Variants in ABHD16B observed in about 807,000 individuals in gnomAD.
ABHD16B encodes the protein abhydrolase domain-containing protein 16B.
In ABHD16B, 14 loss-of-function variants were observed where a neutral mutation model predicts 10.5. That is an observed-to-expected ratio of 1.33 (90% confidence interval 0.88 to 2.08). The LOEUF (loss-of-function observed/expected upper bound fraction) is 2.08, where lower values mean the gene tolerates loss of function less well. Ranked by LOEUF, ABHD16B falls within the 30% of genes most tolerant of loss-of-function variation. ABHD16B has a pLI of 0.00. For missense variants in ABHD16B, 763 were observed against 717.4 expected, an observed-to-expected ratio of 1.06 and a Z score of -0.73; for synonymous variants, 374 against 337.9, an observed-to-expected ratio of 1.11 and a Z score of -1.17.
Position 63,862,356 on chromosome 20 carries a change from C to A in ABHD16B, c.816C>A (p.Phe272Leu), listed in dbSNP as rs766220781. The change falls in exon 1 of 1, where the codon TTC becomes TTA. Residue 272 changes from phenylalanine (F) to leucine (L), a missense_variant. By Grantham distance (22) the Phe-to-Leu change is conservative. Coordinates refer to ENST00000369916, the MANE Select transcript of ABHD16B (RefSeq NM_080622.4). This position sits in a 1 kb window ranked among gnomAD's most constrained non-coding sequence, Gnocchi z 7.5. The part of the protein sequence containing the change: ...ELGALVLDAT[F>L]DDLVPLALKV... The stretch of plus-strand genomic sequence containing the variant: ...GTGCACTGGTGCTGGACGCCACCTT[C>A]GACGACCTTGTGCCGCTGGCGCTGA... The A allele has an allele frequency of 1.2e-6, 2 of 1,611,824 alleles. No individual in the cohort carries two copies. The highest frequency in any genetic ancestry group is 1.7e-5 in the Admixed American group (1 of 59,954).
In ABHD16B at chr20:63,861,505, T is replaced by C; in HGVS notation, c.-36T>C. The C allele has an allele frequency of 1.3e-6, 2 of 1,534,896 alleles. No homozygotes were observed. Among genetic ancestry groups the C allele is most frequent in the Non-Finnish European group, 1.7e-6 (2 of 1,144,312 alleles). On this transcript the variant is annotated 5_prime_UTR_variant, in exon 1 of 1. Coordinates refer to ENST00000369916, the MANE Select transcript of ABHD16B (RefSeq NM_080622.4). The surrounding 1 kb of genome is among the most constrained non-coding windows in gnomAD (Gnocchi z 5.4). The stretch of plus-strand genomic sequence containing the variant: ...GACTGCCCTGTGCCTCTCGCGGCGA[T>C]CCCGGCCCAGCGGCTGGGCGTTAGG...
rs764613536 is a variant in ABHD16B, at chr20:63,862,896, G to A, written c.1356G>A (p.Ala452=). The A allele has an allele frequency of 2.6e-6, 4 of 1,536,350 alleles. No homozygotes were observed. Among genetic ancestry groups the A allele is most frequent in the Non-Finnish European group, 1.7e-6 (2 of 1,143,796 alleles). Residue 452 remains alanine (A), a synonymous_variant, in exon 1 of 1, where the codon GCG becomes GCA. Coordinates refer to ENST00000369916, the MANE Select transcript of ABHD16B (RefSeq NM_080622.4). This position sits in a 1 kb window ranked among gnomAD's most constrained non-coding sequence, Gnocchi z 7.5. Reference sequence around the variant, plus strand: ...GGAAGCACCTCAAGAACGTGGAGGCGACTCACTTCAGCCCTCTGGAGCCTG... The same window carrying A: ...GGAAGCACCTCAAGAACGTGGAGGCAACTCACTTCAGCCCTCTGGAGCCTG... ...LARKHLKNVE[A]THFSPLEPEE...
Position 63,862,408 on chromosome 20 carries a change from C to CT in ABHD16B, c.869dup (p.Val291GlyfsTer33). 6 of 1,596,036 alleles carry CT rather than the reference C, an allele frequency of 3.8e-6. No individual in the cohort carries two copies. Among genetic ancestry groups the CT allele is most frequent in the Non-Finnish European group, 5.1e-6 (6 of 1,173,384 alleles). On this transcript the variant is annotated frameshift_variant, in exon 1 of 1. Coordinates refer to ENST00000369916, the MANE Select transcript of ABHD16B (RefSeq NM_080622.4). LOFTEE classifies it low-confidence loss of function (END_TRUNC). The surrounding 1 kb of genome is among the most constrained non-coding windows in gnomAD (Gnocchi z 7.5). ...GGTCATGCCCCACAGTTGGAAGGGG[C>CT]TGGTGGTGCGCACCGTGCGCGAGCA...
In ABHD16B at chr20:63,862,141, G is replaced by T; in HGVS notation, c.601G>T (p.Gly201Cys). 1 of 1,611,686 alleles carries T rather than the reference G, an allele frequency of 6.2e-7. No individual in the cohort carries two copies. ...GCTCGAGGCCGGCTACTCCGTGCTG[G>T]GCTGGAACCACCCCGGCTTCGGCAG... ...APLEAGYSVLGWNHPGFGSST... is the reference protein window; with the variant it reads ...APLEAGYSVLCWNHPGFGSST... Residue 201 changes from glycine to cysteine, a missense_variant, in exon 1 of 1, where the codon GGC (glycine) becomes TGC (cysteine). Transcript: ENST00000369916. The surrounding 1 kb of genome is among the most constrained non-coding windows in gnomAD (Gnocchi z 7.5).
At position 63,861,749 on chromosome 20, in the gene ABHD16B, A is replaced by G; in HGVS notation, c.209A>G (p.Asp70Gly). 1.4e-6 allele frequency: 2 copies of G among 1,412,506 alleles called. No homozygotes were observed. The highest frequency in any genetic ancestry group is 9.1e-7 in the Non-Finnish European group (1 of 1,093,174). The allele number at this position is 1,412,506 out of a possible 1,614,324, so 87.5% of individuals were successfully genotyped here. ...WLLRDETLGG[D>G]ALGRPPRGAR... The stretch of plus-strand genomic sequence containing the variant: ...CTGCGGGACGAGACGCTGGGCGGGG[A>G]TGCGCTGGGGCGGCCTCCACGTGGG... The change falls in exon 1 of 1, where the codon GAT becomes GGT. Residue 70 changes from aspartate to glycine, a missense_variant. By Grantham distance (94) the Asp-to-Gly change is moderately conservative (BLOSUM62 -1). Coordinates refer to ENST00000369916, the MANE Select transcript of ABHD16B (RefSeq NM_080622.4). The surrounding 1 kb of genome is among the most constrained non-coding windows in gnomAD (Gnocchi z 5.4).
Position 63,862,809 on chromosome 20 carries a change from A to T in ABHD16B, c.1269A>T (p.Pro423=). The change falls in exon 1 of 1, where the codon CCA becomes CCT. Residue 423 remains proline, a synonymous_variant. Coordinates refer to ENST00000369916, the MANE Select transcript of ABHD16B (RefSeq NM_080622.4). This position sits in a 1 kb window ranked among gnomAD's most constrained non-coding sequence, Gnocchi z 7.5. The part of the protein sequence containing the change: ...EALGPHGPAF[P]WLVGQGLSSR... ...TGGGGCCACACGGACCCGCCTTCCC[A>T]TGGCTGGTGGGCCAGGGCCTGAGCT... 6.5e-7 allele frequency: 1 copy of T among 1,534,868 alleles called. No individual in the cohort carries two copies. Among genetic ancestry groups the T allele is most frequent in the Non-Finnish European group, 8.7e-7 (1 of 1,145,182 alleles).
Position 63,862,795 on chromosome 20 carries a change from G to C in ABHD16B, c.1255G>C (p.Gly419Arg). 1 of 1,534,272 alleles carries C rather than the reference G, an allele frequency of 6.5e-7. No homozygotes were observed. Among genetic ancestry groups the C allele is most frequent in the Non-Finnish European group, 8.7e-7 (1 of 1,144,786 alleles). Residue 419 changes from glycine (G) to arginine (R), a missense_variant, in exon 1 of 1, where the codon GGA becomes CGA. Physicochemically the swap from Gly to Arg is moderately radical, Grantham distance 125. Transcript: ENST00000369916. The surrounding 1 kb of genome is among the most constrained non-coding windows in gnomAD (Gnocchi z 7.5). ...LEGEEALGPH[G>R]PAFPWLVGQG... ...GGGCGAGGAGGCCCTGGGGCCACAC[G>C]GACCCGCCTTCCCATGGCTGGTGGG...
Position 63,861,692 on chromosome 20 carries a change from C to T in ABHD16B, c.152C>T (p.Thr51Ile). 1 of 1,505,302 alleles carries T rather than the reference C, an allele frequency of 6.6e-7. No homozygotes were observed. Among genetic ancestry groups the T allele is most frequent in the Non-Finnish European group, 8.8e-7 (1 of 1,132,584 alleles). 93.2% of individuals were successfully genotyped at this position (1,505,302 alleles called of 1,614,324 possible). A position where few individuals can be genotyped will look rare whatever the true frequency, so the allele number is the denominator to read the frequency against. The change falls in exon 1 of 1, where the codon ACC becomes ATC. Residue 51 changes from threonine (T) to isoleucine (I), a missense_variant. Physicochemically the swap from Thr to Ile is moderately conservative, Grantham distance 89 (BLOSUM62 -1). Coordinates refer to ENST00000369916, the MANE Select transcript of ABHD16B (RefSeq NM_080622.4). This position sits in a 1 kb window ranked among gnomAD's most constrained non-coding sequence, Gnocchi z 5.4. ...CGGAGCAGCAGCCACCGGGCGCTGA[C>T]CTGCGCGGCAGCCGCGGCGGGCGTG... ...VGRSSSHRALTCAAAAAGVWL... is the reference protein window; with the variant it reads ...VGRSSSHRALICAAAAAGVWL...
Position 63,861,876 on chromosome 20 carries a change from C to A in ABHD16B, c.336C>A (p.Tyr112Ter). ...LAHSLGRWLV[Y>*]PGSVSLMTRA... ...ACTCGCTGGGCCGCTGGCTCGTGTACCCCGGCTCCGTGTCCCTGATGACGC... is the reference window on the plus strand; with the variant it reads ...ACTCGCTGGGCCGCTGGCTCGTGTAACCCGGCTCCGTGTCCCTGATGACGC... Residue 112 changes from tyrosine to a stop codon, truncating the protein, a stop_gained, in exon 1 of 1, where the codon TAC becomes TAA. Transcript: ENST00000369916. LOFTEE classifies it high-confidence loss of function. The surrounding 1 kb of genome is among the most constrained non-coding windows in gnomAD (Gnocchi z 5.4). 2.6e-6 allele frequency: 4 copies of A among 1,557,532 alleles called. No individual in the cohort carries two copies. Among genetic ancestry groups the A allele is most frequent in the Non-Finnish European group, 3.5e-6 (4 of 1,152,020 alleles).
chr20:63,861,821 C>A lies in ABHD16B; in HGVS notation c.281C>A (p.Pro94His). 6.6e-7 allele frequency: 1 copy of A among 1,509,290 alleles called. No individual in the cohort carries two copies. The highest frequency in any genetic ancestry group is 2.2e-5 in the Admixed American group (1 of 46,168). 93.5% of individuals were successfully genotyped at this position (1,509,290 alleles called of 1,614,324 possible). The change falls in exon 1 of 1, where the codon CCC becomes CAC. Residue 94 changes from proline to histidine, a missense_variant. Physicochemically the swap from Pro to His is moderately conservative, Grantham distance 77. Coordinates refer to ENST00000369916, the MANE Select transcript of ABHD16B (RefSeq NM_080622.4). The surrounding 1 kb of genome is among the most constrained non-coding windows in gnomAD (Gnocchi z 5.4). Reference protein sequence around the residue: ...QCLLQQLRELPGQLASYALAH... With the variant: ...QCLLQQLRELHGQLASYALAH... ...CTCTTGCAGCAGCTCCGCGAGCTGC[C>A]CGGCCAGCTCGCTAGCTACGCGCTG...
chr20:63,862,808 C>T lies in ABHD16B; in HGVS notation c.1268C>T (p.Pro423Leu). Residue 423 changes from proline to leucine, a missense_variant, in exon 1 of 1, where the codon CCA becomes CTA. Physicochemically the swap from Pro to Leu is moderately conservative, Grantham distance 98. Transcript: ENST00000369916. This position sits in a 1 kb window ranked among gnomAD's most constrained non-coding sequence, Gnocchi z 7.5. ...EALGPHGPAFPWLVGQGLSSR... is the reference protein window; with the variant it reads ...EALGPHGPAFLWLVGQGLSSR... ...CTGGGGCCACACGGACCCGCCTTCC[C>T]ATGGCTGGTGGGCCAGGGCCTGAGC... 6.5e-7 allele frequency: 1 copy of T among 1,534,904 alleles called. No homozygotes were observed. Among genetic ancestry groups the T allele is most frequent in the African/African-American group, 1.4e-5 (1 of 73,016 alleles).
Position 63,862,966 on chromosome 20 carries a change from G to A in ABHD16B, c.*16G>A. Reference sequence around the variant, plus strand: ...GCGGCTGTAACCTATATGCCCCAGTGGGGGATCACGCACTTGAACTCCTGG... The same window carrying A: ...GCGGCTGTAACCTATATGCCCCAGTAGGGGATCACGCACTTGAACTCCTGG... On this transcript the variant is annotated 3_prime_UTR_variant, in exon 1 of 1. Coordinates refer to ENST00000369916, the MANE Select transcript of ABHD16B (RefSeq NM_080622.4). This position sits in a 1 kb window ranked among gnomAD's most constrained non-coding sequence, Gnocchi z 7.5. 3 of 1,429,694 alleles carry A rather than the reference G, an allele frequency of 2.1e-6. No homozygotes were observed. Among genetic ancestry groups the A allele is most frequent in the Non-Finnish European group, 2.8e-6 (3 of 1,090,406 alleles). The allele number at this position is 1,429,694 out of a possible 1,614,324, so 88.6% of individuals were successfully genotyped here.
In ABHD16B at chr20:63,862,663, G is replaced by C. The variant is rs1176225209; in HGVS notation, c.1123G>C (p.Gly375Arg). 1.3e-6 allele frequency: 2 copies of C among 1,536,366 alleles called. No homozygotes were observed. The highest frequency in any genetic ancestry group is 2.7e-5 in the African/African-American group (2 of 73,042). ...RAVVTRWLRA[G>R]SLAQEAAFYA... The stretch of plus-strand genomic sequence containing the variant: ...CGTCGTCACCCGCTGGCTGCGCGCT[G>C]GCAGCTTGGCGCAGGAGGCCGCCTT... Residue 375 changes from glycine (G) to arginine (R), a missense_variant, in exon 1 of 1, where the codon GGC (glycine) becomes CGC (arginine). Physicochemically the swap from Gly to Arg is moderately radical, Grantham distance 125. Coordinates refer to ENST00000369916, the MANE Select transcript of ABHD16B (RefSeq NM_080622.4). This position sits in a 1 kb window ranked among gnomAD's most constrained non-coding sequence, Gnocchi z 7.5.
chr20:63,861,575 G>A lies in ABHD16B; in HGVS notation c.35G>A (p.Arg12His), dbSNP rs555569547. The change falls in exon 1 of 1, where the codon CGC becomes CAC. Residue 12 changes from arginine to histidine, a missense_variant. By Grantham distance (29) the Arg-to-His change is conservative (BLOSUM62 0). Transcript: ENST00000369916. The surrounding 1 kb of genome is among the most constrained non-coding windows in gnomAD (Gnocchi z 5.4). ...CVICFVKALVRVFKIYLTASY... is the reference protein window; with the variant it reads ...CVICFVKALVHVFKIYLTASY... ...ATCTGCTTCGTGAAGGCGCTGGTGC[G>A]CGTGTTCAAGATCTACCTGACCGCC... 3.5e-5 allele frequency: 55 copies of A among 1,559,280 alleles called. No individual in the cohort carries two copies. The highest frequency in any genetic ancestry group is 3.3e-4 in the Middle Eastern group (2 of 5,992).
Position 63,862,172 on chromosome 20 carries a change from C to T in ABHD16B, c.632C>T (p.Thr211Ile). 6.2e-7 allele frequency: 1 copy of T among 1,611,450 alleles called. No homozygotes were observed. The change falls in exon 1 of 1, where the codon ACT becomes ATT. Residue 211 changes from threonine (T) to isoleucine (I), a missense_variant. Physicochemically the swap from Thr to Ile is moderately conservative, Grantham distance 89. Transcript: ENST00000369916. The surrounding 1 kb of genome is among the most constrained non-coding windows in gnomAD (Gnocchi z 7.5). ...GWNHPGFGSSTGVPFPQHDAN... is the reference protein window; with the variant it reads ...GWNHPGFGSSIGVPFPQHDAN... ...AACCACCCCGGCTTCGGCAGCAGCA[C>T]TGGCGTGCCCTTCCCTCAGCACGAC... is the stretch of plus-strand genomic sequence containing the variant.
In ABHD16B at chr20:63,862,124, C is replaced by T; in HGVS notation, c.584C>T (p.Ala195Val). 2 of 1,611,734 alleles carry T rather than the reference C, an allele frequency of 1.2e-6. No homozygotes were observed. The highest frequency in any genetic ancestry group is 8.5e-7 in the Non-Finnish European group (1 of 1,179,662). Residue 195 changes from alanine to valine, a missense_variant, in exon 1 of 1, where the codon GCC (alanine) becomes GTC (valine). Physicochemically the swap from Ala to Val is moderately conservative, Grantham distance 64. Transcript: ENST00000369916. The surrounding 1 kb of genome is among the most constrained non-coding windows in gnomAD (Gnocchi z 7.5). ...EMGCLSAPLE[A>V]GYSVLGWNHP... ...GGCTGTCTGTCTGCACCGCTCGAGG[C>T]CGGCTACTCCGTGCTGGGCTGGAAC...
rs113880685 is a variant in ABHD16B at position 63,862,691 on chromosome 20, A to G, written c.1151A>G (p.Tyr384Cys). The G allele has an allele frequency of 1.3e-5, 20 of 1,535,190 alleles. No individual in the cohort carries two copies. In the African/African-American group the frequency reaches 1.4e-4, roughly 11 times the overall value. ...AGSLAQEAAF[Y>C]ARYRVDEDWC... Reference sequence around the variant, plus strand: ...AGCTTGGCGCAGGAGGCCGCCTTCTATGCACGCTACCGCGTGGACGAGGAC... The same window carrying G: ...AGCTTGGCGCAGGAGGCCGCCTTCTGTGCACGCTACCGCGTGGACGAGGAC... The change falls in exon 1 of 1, where the codon TAT (tyrosine) becomes TGT (cysteine). Residue 384 changes from tyrosine (Y) to cysteine (C), a missense_variant. Coordinates refer to ENST00000369916, the MANE Select transcript of ABHD16B (RefSeq NM_080622.4). The surrounding 1 kb of genome is among the most constrained non-coding windows in gnomAD (Gnocchi z 7.5).
Position 63,861,957 on chromosome 20 carries a change from C to T in ABHD16B, c.417C>T (p.His139=), listed in dbSNP as rs1350366723. 8 of 1,598,352 alleles carry T rather than the reference C, an allele frequency of 5.0e-6. No homozygotes were observed. Among genetic ancestry groups the T allele is most frequent in the South Asian group, 1.1e-5 (1 of 90,940 alleles). ...QGQERLVERY[H]GRRAKLVACD... Reference sequence around the variant, plus strand: ...AAGAGCGCCTCGTGGAGCGCTACCACGGCCGGCGCGCCAAGCTGGTGGCCT... The same window carrying T: ...AAGAGCGCCTCGTGGAGCGCTACCATGGCCGGCGCGCCAAGCTGGTGGCCT... The change falls in exon 1 of 1, where the codon CAC becomes CAT. Residue 139 remains histidine, a synonymous_variant. Coordinates refer to ENST00000369916, the MANE Select transcript of ABHD16B (RefSeq NM_080622.4). This position sits in a 1 kb window ranked among gnomAD's most constrained non-coding sequence, Gnocchi z 5.4.
rs2052101835 is a variant in ABHD16B at position 63,862,651 on chromosome 20, T to C, written c.1111T>C (p.Trp371Arg). The stretch of plus-strand genomic sequence containing the variant: ...AGAGGGCCGCGCCGTCGTCACCCGC[T>C]GGCTGCGCGCTGGCAGCTTGGCGCA... ...AREGRAVVTRWLRAGSLAQEA... is the reference protein window; with the variant it reads ...AREGRAVVTRRLRAGSLAQEA... Residue 371 changes from tryptophan to arginine, a missense_variant, in exon 1 of 1, where the codon TGG (tryptophan) becomes CGG (arginine). Trp to Arg is a moderately radical substitution (Grantham distance 101). Transcript: ENST00000369916. This position sits in a 1 kb window ranked among gnomAD's most constrained non-coding sequence, Gnocchi z 7.5. 6.5e-7 allele frequency: 1 copy of C among 1,537,670 alleles called. No individual in the cohort carries two copies. The highest frequency in any genetic ancestry group is 2.0e-5 in the Admixed American group (1 of 51,084).
Sources: allele counts gnomAD v4.1 joint callset, GRCh38; gene constraint gnomAD v4.1.1; non-coding constraint Gnocchi (gnomAD v3.1); transcripts MANE v1.5; gene names NCBI Gene and HGNC (gene_info 2026-07-23, HGNC 2026-07-21).